The following GNS variants were observed in gnomAD, a reference collection of about 807,000 sequenced individuals.
GNS encodes the protein glucosamine (N-acetyl)-6-sulfatase.
In GNS, 40 loss-of-function variants were observed where a neutral mutation model predicts 69.7. The observed-to-expected ratio is 0.57, with a 90% CI of 0.45 to 0.75. The LOEUF (loss-of-function observed/expected upper bound fraction) is 0.75. Among genes scored for constraint, GNS ranks in the 30% least tolerant of loss-of-function variants. The pLI is 0.00. For missense variants in GNS, 565 were observed against 685.5 expected (o/e 0.82, Z 1.96); for synonymous variants, 243 against 251.6 (o/e 0.97, Z 0.32).
At chr12:64,732,395 C>T (rs368023206) in intron 9 of GNS, among the ~76,000 whole-genome samples, 23 of 151,252 alleles carry the variant, frequency 1.5e-4, no homozygotes, top group Non-Finnish European at 3.1e-4. Context: ...GCCTCGATCT[C>T]CTGACCTCGT....
At chr12:64,744,102 C>A (rs1455456717) in intron 5 of GNS, among the ~76,000 whole-genome samples, 1 of 152,242 alleles carries the variant, frequency 6.6e-6, no homozygotes, top group African/African-American at 2.4e-5. Context: ...ATCTGCACAG[C>A]TCATTCTCAC....
intron 9 of GNS, among the ~76,000 whole-genome samples, chr12:64,730,302 C>T (rs773379246): frequency 3.9e-5 from 6 of 151,994 alleles, no homozygotes; most frequent in South Asian, 2.1e-4. Flanking sequence ...CAGGAAGTAA[C>T]AGTCTTCAAA....
chr12:64,747,534 A>T (rs905525454), intron 3 of GNS, among the ~76,000 whole-genome samples, 178 bp downstream of exon 3: 1 of 152,234 alleles, frequency 6.6e-6, no homozygotes, highest in Non-Finnish European at 1.5e-5. Context: ...GTAAATATGT[A>T]CATGTGTACT....
chr12:64,755,515 T>C (rs1384528545), intron 1 of GNS, among the ~76,000 whole-genome samples: 3 of 147,426 alleles, frequency 2.0e-5, no homozygotes, highest in African/African-American at 5.0e-5. Flanking sequence ...GAGAAGGAGG[T>C]TGCAGTGGGC....
chr12:64,748,988 G>A (rs1869983619), intron 2 of GNS, among the ~76,000 whole-genome samples: 1 of 152,160 alleles, frequency 6.6e-6, no homozygotes, highest in African/African-American at 2.4e-5. Context: ...CACGCAGGCT[G>A]GAGTGCAGTG....
At chr12:64,729,113 T>C (rs1047886218) in intron 9 of GNS, 56 bp from the exon 10 acceptor site, 2 of 937,554 alleles carry the variant, frequency 2.1e-6, no homozygotes, top group South Asian at 2.6e-5. Context: ...TTTCCTTTTC[T>C]ACCTATACTA....
At chr12:64,752,579 G>C in intron 2 of GNS, 119 bp downstream of exon 2, 1 of 679,034 alleles carries the variant, frequency 1.5e-6, no homozygotes, top group Admixed American at 2.3e-5. Context: ...CCTTCCTTCA[G>C]ATCAGGCATT....
chr12:64,721,573 T>C (rs772525405), intron 12 of GNS, 22 bp downstream of exon 12: 1 of 1,076,240 alleles, frequency 9.3e-7, no homozygotes, highest in Admixed American at 1.7e-5. Context: ...GCGGGGGAAG[T>C]GCAGGCAGAA....
chr12:64,733,549 G>C (rs1174116104), intron 9 of GNS, among the ~76,000 whole-genome samples: 1 of 152,148 alleles, frequency 6.6e-6, no homozygotes, highest in Non-Finnish European at 1.5e-5. Context: ...TTAGTGAAAA[G>C]CACTGTAACT....
At chr12:64,719,467 A>G (rs1057073687) in intron 13 of GNS, among the ~76,000 whole-genome samples, 1 of 152,212 alleles carries the variant, frequency 6.6e-6, no homozygotes, top group Non-Finnish European at 1.5e-5. Flanking sequence ...CCGTGTGGGG[A>G]ACAAATCTGA....
At chr12:64,716,895 G>A in intron 13 of GNS, 76 bp from the exon 14 acceptor site, 2 of 922,992 alleles carry the variant, frequency 2.2e-6, no homozygotes, top group Non-Finnish European at 3.6e-6. Flanking sequence ...GGAAAGGATA[G>A]CAGGAAGGGG....
At chr12:64,722,977 T>C (rs1365438667) in intron 11 of GNS, 29 bp downstream of exon 11, 1 of 1,271,300 alleles carries the variant, frequency 7.9e-7, no homozygotes, top group South Asian at 1.2e-5. Flanking sequence ...GTGAGAAAGC[T>C]GTCTAAGTTG....
intron 6 of GNS, among the ~76,000 whole-genome samples, chr12:64,742,151 G>C (rs1430341116): frequency 6.6e-6 from 1 of 152,102 alleles, no homozygotes; most frequent in African/African-American, 2.4e-5. Context: ...CTCCCGAGTA[G>C]CTGGGAGTAC....
At chr12:64,738,846 A>G (rs1361543154) in intron 8 of GNS, among the ~76,000 whole-genome samples, 1 of 151,848 alleles carries the variant, frequency 6.6e-6, no homozygotes, top group Non-Finnish European at 1.5e-5. Context: ...ACAATAATGC[A>G]TTAAATGCCT....
chr12:64,744,759 A>C (rs1869847408), intron 5 of GNS, 50 bp downstream of exon 5: 2 of 860,132 alleles, frequency 2.3e-6, no homozygotes, highest in South Asian at 2.6e-5. Context: ...TCTTCAATCA[A>C]ATGTGAGCCA....
intron 12 of GNS, among the ~76,000 whole-genome samples, chr12:64,721,276 A>C (rs1282288259): frequency 6.6e-6 from 1 of 152,252 alleles, no homozygotes; most frequent in Non-Finnish European, 1.5e-5. Flanking sequence ...GGTGCTGGTA[A>C]GCTTTCTAGA....
chr12:64,736,743 C>T (rs983467198), intron 9 of GNS, among the ~76,000 whole-genome samples: 1 of 151,648 alleles, frequency 6.6e-6, no homozygotes, highest in African/African-American at 2.4e-5. Context: ...TGCTCCAGAA[C>T]AAAGTAAAGA....
At chr12:64,721,797 C>T (rs531497431) in intron 11 of GNS, 92 bp from the exon 12 acceptor site, 80 of 772,084 alleles carry the variant, frequency 1.0e-4, no homozygotes, top group Non-Finnish European at 1.7e-4. Flanking sequence ...TGGCTCATGC[C>T]GGACATGCAA....
At chr12:64,744,956 T>A (rs1335966689) in intron 4 of GNS, 49 bp from the exon 5 acceptor site, 3 of 840,770 alleles carry the variant, frequency 3.6e-6, no homozygotes, top group Non-Finnish European at 6.3e-6. Flanking sequence ...GTGCACAAAG[T>A]GGAAGTCTGA....
Sources: gnomAD v4.1 joint callset for allele counts (sites outside exome capture counted in the v4.1 genomes callset) on GRCh38, gnomAD v4.1.1 for gene constraint, MANE v1.5 for transcripts, NCBI Gene and HGNC (gene_info 2026-07-23, HGNC 2026-07-21) for gene names.